The following ZNF407 variants were observed in gnomAD, a reference collection of about 807,000 sequenced individuals.
ZNF407 encodes the protein zinc finger protein 407.
A neutral mutation model predicts 131.2 loss-of-function variants in ZNF407; 17 were observed. That is an observed-to-expected ratio of 0.13 (90% CI 0.09 to 0.19). The LOEUF (loss-of-function observed/expected upper bound fraction) is 0.19, where lower values mean the gene tolerates loss of function less well. ZNF407 is among the 10% of genes least tolerant of loss of function. The pLI, the probability that ZNF407 is intolerant of heterozygous loss-of-function variation, is 1.00. For synonymous variants in ZNF407, 1,156 were observed against 1,062.0 expected (o/e 1.09, Z -1.72); for missense variants, 2,681 against 2,830.6 (o/e 0.95, Z 1.20).
At chr18:74,609,387 AG>A (rs1233523945) in intron 1 of ZNF407, among the ~76,000 whole-genome samples, 8 of 152,228 alleles carry the variant, frequency 5.3e-5, no homozygotes. Context: ...TACCGCTCCT[AG>A]GCAACAAACC....
intron 7 of ZNF407, among the ~76,000 whole-genome samples, chr18:74,891,308 A>G (rs537207382): frequency 6.6e-6 from 1 of 152,344 alleles, no homozygotes; most frequent in South Asian, 2.1e-4. Flanking sequence ...GAAGATCTCC[A>G]CTGCGCTCGA....
intron 3 of ZNF407, among the ~76,000 whole-genome samples, chr18:74,717,238 A>C (rs1335466207): frequency 6.6e-6 from 1 of 152,184 alleles, no homozygotes; most frequent in Non-Finnish European, 1.5e-5. Flanking sequence ...TGTGCAATTA[A>C]TTATTTGTGA....
At chr18:74,662,330 T>C (rs1367463030) in intron 3 of ZNF407, among the ~76,000 whole-genome samples, 2 of 151,716 alleles carry the variant, frequency 1.3e-5, no homozygotes, top group Non-Finnish European at 2.9e-5. Context: ...GTAGACAAAA[T>C]ATTATAAGTG....
chr18:74,631,260 G>A lies in ZNF407; in HGVS notation c.241G>A (p.Ala81Thr). Residue 81 changes from alanine (A) to threonine (T), a missense_variant, in exon 2 of 9, where the codon GCA (alanine) becomes ACA (threonine). Transcript: ENST00000299687. ...TTCCAAACGCAGGAAATTAGATGAGGCAGAGCCCCTTAAATCTGGAAAGCA... is the reference window on the plus strand; with the variant it reads ...TTCCAAACGCAGGAAATTAGATGAGACAGAGCCCCTTAAATCTGGAAAGCA... ...HASKRRKLDEAEPLKSGKQGI... is the reference protein window; with the variant it reads ...HASKRRKLDETEPLKSGKQGI... 2.5e-6 allele frequency: 4 copies of A among 1,613,966 alleles called. No homozygotes were observed. The South Asian group carries it at 3.3e-5, about 13-fold the overall frequency.
At chr18:74,737,412 A>G (rs748074682) in intron 3 of ZNF407, among the ~76,000 whole-genome samples, 29 of 152,378 alleles carry the variant, frequency 1.9e-4, no homozygotes, top group Non-Finnish European at 3.7e-4. Flanking sequence ...CTTTGCTAAA[A>G]GCTAAACTAA....
At chr18:74,836,675 A>G (rs1278037073) in intron 4 of ZNF407, among the ~76,000 whole-genome samples, 4 of 152,204 alleles carry the variant, frequency 2.6e-5, no homozygotes, top group Non-Finnish European at 4.4e-5. Context: ...GAGTTATAGT[A>G]AAGGTAACTA....
At chr18:74,788,817 T>C (rs1004838468) in intron 4 of ZNF407, among the ~76,000 whole-genome samples, 1 of 149,360 alleles carries the variant, frequency 6.7e-6, no homozygotes, top group Non-Finnish European at 1.5e-5. Flanking sequence ...AAATATAAAA[T>C]ATCAATAAAA....
intron 1 of ZNF407, among the ~76,000 whole-genome samples, chr18:74,619,443 C>G (rs1983432590): frequency 6.6e-6 from 1 of 152,096 alleles, no homozygotes; most frequent in African/African-American, 2.4e-5. Flanking sequence ...CTTTGCTTTC[C>G]TTGACATTCA....
At position 74,804,316 on chromosome 18, in the gene ZNF407, C is replaced by G. The variant is rs550951946; in HGVS notation, c.4877+22814C>G. 460 of 1,115,820 alleles carry G rather than the reference C, an allele frequency of 4.1e-4. 3 individuals are homozygous for G. In the African/African-American group the frequency reaches 7.2e-3, roughly 17 times the overall value. The allele number at this position is 1,115,820 out of a possible 1,614,324, so 69.1% of individuals were successfully genotyped here. ...CATCAATGAGTTAAAAAAAAAAAAA[C>G]CCTTAATGATTCAGGGTTTATTTAA... On this transcript the variant is annotated intron_variant, in intron 4 of 8. Coordinates refer to ENST00000299687, the MANE Select transcript of ZNF407 (RefSeq NM_017757.3).
rs1007882763 is a variant in ZNF407 at position 74,634,928 on chromosome 18, G to A, written c.3909G>A (p.Leu1303=). The change falls in exon 2 of 9, where the codon CTG becomes CTA. Residue 1303 remains leucine (L), a synonymous_variant. Coordinates refer to ENST00000299687, the MANE Select transcript of ZNF407 (RefSeq NM_017757.3). The part of the protein sequence containing the change: ...DLKGVQEDPV[L]GNKEILMNSQ... ...AAGGTGTCCAAGAAGATCCCGTTCT[G>A]GGGAATAAGGAAATTCTGATGAATT... The A allele has an allele frequency of 3.7e-6, 6 of 1,613,822 alleles. No homozygotes were observed. The African/African-American group carries it at 6.7e-5, about 18-fold the overall frequency.
rs553210207 is a variant in ZNF407 at position 74,974,871 on chromosome 18, G to A, written c.5428+54179G>A. On this transcript the variant is annotated intron_variant, in intron 8 of 8. Transcript: ENST00000299687. ...CAATTACAGCTCTCGAGATTCTTCCGCTCATCTCCTTCTTTGCTGTGTCTT... is the reference window on the plus strand; with the variant it reads ...CAATTACAGCTCTCGAGATTCTTCCACTCATCTCCTTCTTTGCTGTGTCTT... Among the ~76,000 whole-genome samples the A allele has an allele frequency of 6.6e-5, 10 of 152,212 alleles. No individual in the cohort carries two copies. The South Asian group carries it at 1.0e-3, about 16-fold the overall frequency.
chr18:74,981,005 C>G (rs1284268559), intron 8 of ZNF407, among the ~76,000 whole-genome samples: 1 of 152,190 alleles, frequency 6.6e-6, no homozygotes, highest in African/African-American at 2.4e-5. Flanking sequence ...CTGGCACCAT[C>G]AAGATTTTGG....
intron 8 of ZNF407, among the ~76,000 whole-genome samples, chr18:75,046,681 C>T (rs1323803462): frequency 1.3e-5 from 2 of 151,500 alleles, no homozygotes; most frequent in African/African-American, 4.9e-5. Context: ...CTCCCTGGAG[C>T]GGCTGTGCAG....
At chr18:74,773,219 C>T (rs1255675139) in intron 3 of ZNF407, among the ~76,000 whole-genome samples, 1 of 151,672 alleles carries the variant, frequency 6.6e-6, no homozygotes, top group Admixed American at 6.6e-5. Flanking sequence ...GAACGAGAAT[C>T]GACAATAGTA....
intron 3 of ZNF407, among the ~76,000 whole-genome samples, chr18:74,667,236 G>C (rs1172157769): frequency 6.6e-6 from 1 of 152,158 alleles, no homozygotes; most frequent in African/African-American, 2.4e-5. Context: ...CCGGTGTGCT[G>C]ACTGTTGGTG....
intron 7 of ZNF407, among the ~76,000 whole-genome samples, chr18:74,903,095 C>G (rs1971551192): frequency 6.6e-6 from 1 of 152,146 alleles, no homozygotes; most frequent in Non-Finnish European, 1.5e-5. Context: ...GCCAGACTGC[C>G]CACTAAACTG....
intron 7 of ZNF407, among the ~76,000 whole-genome samples, chr18:74,900,686 C>T (rs1334548808): frequency 6.6e-6 from 1 of 152,166 alleles, no homozygotes; most frequent in African/African-American, 2.4e-5. Context: ...CCTCTAATGA[C>T]ATCATAAGCC....
chr18:74,941,893 C>T (rs1308268204), intron 8 of ZNF407, among the ~76,000 whole-genome samples: 1 of 152,202 alleles, frequency 6.6e-6, no homozygotes, highest in Non-Finnish European at 1.5e-5. Context: ...TTATTTCCCA[C>T]CTCATATGCA....
intron 3 of ZNF407, among the ~76,000 whole-genome samples, chr18:74,778,514 C>T (rs763332603): frequency 1.3e-5 from 2 of 151,982 alleles, no homozygotes; most frequent in African/African-American, 2.4e-5. Flanking sequence ...TTGTCTGTGT[C>T]TCTCACTAGG....
Sources: allele counts gnomAD v4.1 joint callset (sites outside exome capture counted in the v4.1 genomes callset), GRCh38; gene constraint gnomAD v4.1.1; transcripts MANE v1.5; gene names NCBI Gene and HGNC (gene_info 2026-07-23, HGNC 2026-07-21).